CCDC63: variants seen among roughly 807,000 people sequenced by gnomAD.
CCDC63 encodes the protein coiled-coil domain-containing protein 63.
CCDC63 carries 54 observed loss-of-function variants against 63.6 expected under a neutral mutation model. The ratio of observed to expected loss-of-function variants is 0.85; its 90% CI spans 0.68 to 1.07. The LOEUF (loss-of-function observed/expected upper bound fraction) is 1.07, where lower values mean the gene tolerates loss of function less well. Among genes scored for constraint, CCDC63 ranks in the 50% least tolerant of loss-of-function variants. The pLI is 0.00. For synonymous variants in CCDC63, 253 were observed against 266.1 expected, an observed-to-expected ratio of 0.95 and a Z score of 0.48; for missense variants, 637 against 689.6, an observed-to-expected ratio of 0.92 and a Z score of 0.86.
At chr12:110,874,340 C>A (rs776050855) in intron 5 of CCDC63, among the ~76,000 whole-genome samples, 1 of 152,054 alleles carries the variant, frequency 6.6e-6, no homozygotes, top group African/African-American at 2.4e-5. Context: ...TTTTTGTTGT[C>A]GGTGTTGTCT....
intron 7 of CCDC63, among the ~76,000 whole-genome samples, chr12:110,883,036 A>AT (rs11350129): frequency 0.023 from 3,156 of 137,884 alleles, 104 homozygotes; most frequent in African/African-American, 0.071. Context: ...CTAATTTTAA[A>AT]TTTTTTTTTT....
intron 10 of CCDC63, among the ~76,000 whole-genome samples, chr12:110,901,399 A>T (rs2071485300): frequency 1.3e-5 from 2 of 150,536 alleles, no homozygotes; most frequent in South Asian, 2.1e-4. Context: ...ATTTATTTTT[A>T]TTTTTTTTTG....
chr12:110,857,266 C>T (rs1306019002), intron 3 of CCDC63, among the ~76,000 whole-genome samples: 1 of 151,812 alleles, frequency 6.6e-6, no homozygotes, highest in African/African-American at 2.4e-5. Flanking sequence ...GCTAGGATTA[C>T]AGGCGCCCAC....
chr12:110,865,658 T>C (rs1290332609), intron 4 of CCDC63, among the ~76,000 whole-genome samples: 1 of 152,178 alleles, frequency 6.6e-6, no homozygotes, highest in Non-Finnish European at 1.5e-5. Context: ...TATTCTCTAC[T>C]TTTTCTTCTC....
At position 110,904,740 on chromosome 12, in the gene CCDC63, G is replaced by A; in HGVS notation, c.1495G>A (p.Val499Ile). Residue 499 changes from valine (V) to isoleucine (I), a missense_variant, in exon 11 of 12, where the codon GTC becomes ATC. Physicochemically the swap from Val to Ile is conservative, Grantham distance 29 (BLOSUM62 3). Transcript: ENST00000308208. Reference protein sequence around the residue: ...ALLKPPEPIKVIPPVLGADPF... With the variant: ...ALLKPPEPIKIIPPVLGADPF... ...CCTCAAGCCCCCAGAACCCATCAAA[G>A]TCATCCCCCCAGTGCTGGGGGCTGA... is the stretch of plus-strand genomic sequence containing the variant. 6.2e-7 allele frequency: 1 copy of A among 1,614,028 alleles called. No individual in the cohort carries two copies. The highest frequency in any genetic ancestry group is 8.5e-7 in the Non-Finnish European group (1 of 1,179,982).
At chr12:110,861,820 C>T (rs2070857793) in intron 4 of CCDC63, among the ~76,000 whole-genome samples, 1 of 151,406 alleles carries the variant, frequency 6.6e-6, no homozygotes, top group African/African-American at 2.4e-5. Flanking sequence ...GATCTGCCCT[C>T]TTCCGCCTCT....
intron 4 of CCDC63, among the ~76,000 whole-genome samples, chr12:110,863,221 G>A (rs970627387): frequency 7.2e-5 from 11 of 152,048 alleles, no homozygotes; most frequent in African/African-American, 1.4e-4. Flanking sequence ...TGTGTGTGTC[G>A]GGGCAGGTGA....
At chr12:110,894,391 T>C (rs892294562) in intron 9 of CCDC63, among the ~76,000 whole-genome samples, 2 of 152,182 alleles carry the variant, frequency 1.3e-5, no homozygotes, top group Non-Finnish European at 2.9e-5. Flanking sequence ...GTTACTGAGG[T>C]ATAAGGAAAG....
intron 11 of CCDC63, among the ~76,000 whole-genome samples, chr12:110,906,025 T>TAATA (rs1387127205): frequency 3.1e-5 from 2 of 64,702 alleles, no homozygotes; most frequent in Non-Finnish European, 5.5e-5. Flanking sequence ...ATATATATTA[T>TAATA]ATATTATAAT....
chr12:110,900,105 C>T (rs768728358), intron 10 of CCDC63, among the ~76,000 whole-genome samples: 2 of 151,934 alleles, frequency 1.3e-5, no homozygotes, highest in African/African-American at 2.4e-5. Context: ...CCCAGATACT[C>T]GGGAGGCTGA....
At chr12:110,887,386 A>G (rs947995591) in intron 8 of CCDC63, among the ~76,000 whole-genome samples, 6 of 151,998 alleles carry the variant, frequency 3.9e-5, no homozygotes, top group African/African-American at 1.4e-4. Flanking sequence ...TCGGCCTCCC[A>G]AAGTGTTGGG....
At chr12:110,849,480 C>T (rs970698851) in intron 1 of CCDC63, among the ~76,000 whole-genome samples, 5 of 149,766 alleles carry the variant, frequency 3.3e-5, no homozygotes, top group East Asian at 2.0e-4. Context: ...GAGAGGAACA[C>T]GAACAAGCTC....
chr12:110,902,761 A>T (rs1314274231), intron 10 of CCDC63, among the ~76,000 whole-genome samples: 1 of 152,152 alleles, frequency 6.6e-6, no homozygotes, highest in East Asian at 1.9e-4. Flanking sequence ...TCTGTTGCCC[A>T]GGTGGAAGTG....
intron 9 of CCDC63, among the ~76,000 whole-genome samples, chr12:110,895,079 A>T (rs2136730431): frequency 6.7e-6 from 1 of 150,138 alleles, no homozygotes; most frequent in South Asian, 2.1e-4. Flanking sequence ...ATGCCGAGAT[A>T]ACTTTAATTT....
chr12:110,862,462 C>T (rs115470643), intron 4 of CCDC63, among the ~76,000 whole-genome samples: 10 of 152,348 alleles, frequency 6.6e-5, no homozygotes, highest in African/African-American at 2.4e-4. Context: ...AATTCTCCAC[C>T]AGCCGTTGCC....
At chr12:110,849,208 G>A (rs2136634892) in intron 1 of CCDC63, among the ~76,000 whole-genome samples, 1 of 152,326 alleles carries the variant, frequency 6.6e-6, no homozygotes. Context: ...AGTTAGGAAT[G>A]CTTTAGGCTT....
chr12:110,880,493 G>A (rs553498848), intron 6 of CCDC63, among the ~76,000 whole-genome samples: 1 of 152,060 alleles, frequency 6.6e-6, no homozygotes, highest in Admixed American at 6.6e-5. Flanking sequence ...ACACTCATAG[G>A]AGCAAAAGGC....
chr12:110,880,150 C>T (rs2136695642), intron 6 of CCDC63, 63 bp downstream of exon 6: 1 of 1,449,170 alleles, frequency 6.9e-7, no homozygotes, highest in Non-Finnish European at 9.6e-7. Flanking sequence ...CATCTAGCTT[C>T]CTACTCTGGG....
At chr12:110,892,597 C>T (rs561005246) in intron 8 of CCDC63, among the ~76,000 whole-genome samples, 8 of 152,142 alleles carry the variant, frequency 5.3e-5, no homozygotes, top group African/African-American at 1.7e-4. Context: ...GCGGGCGGAT[C>T]GCCTGAGGTC....
Sources: gnomAD v4.1 joint callset for allele counts (sites outside exome capture counted in the v4.1 genomes callset) on GRCh38, gnomAD v4.1.1 for gene constraint, MANE v1.5 for transcripts, NCBI Gene and HGNC (gene_info 2026-07-23, HGNC 2026-07-21) for gene names.